DMD: variants seen among roughly 807,000 people sequenced by gnomAD.
DMD encodes dystrophin.
Under a neutral mutation model 330.1 loss-of-function variants are expected in DMD, and 63 were observed. The observed-to-expected ratio is 0.19, with a 90% confidence interval of 0.16 to 0.24. DMD has a LOEUF of 0.24. Among genes scored for constraint, DMD ranks in the 10% least tolerant of loss-of-function variants. The pLI, the probability that DMD is intolerant of heterozygous loss-of-function variation, is 1.00. For synonymous variants in DMD, 1,223 were observed against 959.8 expected (o/e 1.27, Z -5.07); for missense variants, 3,344 against 2,684.1 (o/e 1.25, Z -5.43).
chrX:31,251,542 A>G (rs1473356273), intron 63 of DMD, among the ~76,000 whole-genome samples: 1 of 112,237 alleles, frequency 8.9e-6, no homozygotes, highest in Non-Finnish European at 1.9e-5. Flanking sequence ...ATTCATAAAT[A>G]AGCTAATGAT....
At chrX:31,697,097 T>C (rs970175415) in intron 52 of DMD, among the ~76,000 whole-genome samples, 6 of 112,215 alleles carry the variant, frequency 5.3e-5, no homozygotes, top group African/African-American at 1.9e-4. Flanking sequence ...AGTGTGGTAG[T>C]CTGACATCAT....
chrX:32,298,076 G>A (rs995636603), intron 42 of DMD, among the ~76,000 whole-genome samples: 3 of 109,494 alleles, frequency 2.7e-5, no homozygotes, highest in Non-Finnish European at 1.9e-5. Flanking sequence ...TTTACTTTGA[G>A]GGGGATGGGG....
intron 1 of DMD, among the ~76,000 whole-genome samples, chrX:33,267,347 G>GT (rs1192458683): frequency 9.0e-6 from 1 of 110,723 alleles, no homozygotes; most frequent in Non-Finnish European, 1.9e-5. Flanking sequence ...AAAAAACATT[G>GT]TTGAAAGAAA....
intron 22 of DMD, among the ~76,000 whole-genome samples, chrX:32,471,099 A>G (rs1410468184): frequency 9.0e-6 from 1 of 110,666 alleles, no homozygotes; most frequent in Non-Finnish European, 1.9e-5. Context: ...CAAGATGGTG[A>G]AACCCCATCT....
At chrX:31,525,802 A>G (rs2095269072) in intron 55 of DMD, among the ~76,000 whole-genome samples, 1 of 112,615 alleles carries the variant, frequency 8.9e-6, no homozygotes, top group African/African-American at 3.2e-5. Flanking sequence ...GTTACAGCAA[A>G]AAGTTAATGG....
At chrX:31,815,658 C>T (rs1450350409) in intron 50 of DMD, among the ~76,000 whole-genome samples, 4 of 111,630 alleles carry the variant, frequency 3.6e-5, no homozygotes, top group Non-Finnish European at 7.5e-5. Context: ...TGTATAAATA[C>T]GGTGACAATA....
At chrX:31,968,551 C>G (rs958910731) in intron 44 of DMD, 37 bp from the exon 45 acceptor site, 6 of 1,182,957 alleles carry the variant, frequency 5.1e-6, no homozygotes, top group Non-Finnish European at 6.9e-6. Flanking sequence ...AAAATGAAGC[C>G]CCATGTCTTT....
chrX:33,081,002 ACAC>A (rs199768475), intron 1 of DMD, among the ~76,000 whole-genome samples: 430 of 103,657 alleles, frequency 4.1e-3, no homozygotes, highest in Non-Finnish European at 6.4e-3. Context: ...ACACACACAC[ACAC>A]ACAAAAACAC....
intron 45 of DMD, among the ~76,000 whole-genome samples, chrX:31,936,331 T>A (rs2094924630): frequency 1.8e-5 from 2 of 111,736 alleles, no homozygotes; most frequent in Non-Finnish European, 3.8e-5. Context: ...CTCAGAACAC[T>A]CGTAAACTCC....
chrX:31,246,013 G>T (rs1201269576), intron 63 of DMD, among the ~76,000 whole-genome samples: 5 of 112,350 alleles, frequency 4.5e-5, no homozygotes. Flanking sequence ...CAGACTGAAA[G>T]CTAGGCCTCT....
chrX:32,853,769 G>GAAAAAA (rs1162458210), intron 2 of DMD, among the ~76,000 whole-genome samples: 23 of 56,027 alleles, frequency 4.1e-4, no homozygotes, highest in African/African-American at 8.4e-4. Flanking sequence ...CACAGTGACA[G>GAAAAAA]AAAAAAAAAA....
intron 61 of DMD, among the ~76,000 whole-genome samples, chrX:31,341,891 G>GCGCGCGCGCGCGCGCGCACACACACACA (rs374298104): frequency 1.0e-5 from 1 of 98,876 alleles, no homozygotes; most frequent in African/African-American, 3.7e-5. Flanking sequence ...GTGCGCGCGC[G>GCGCGCGCGCGCGCGCGCACACACACACA]CACACACACA....
intron 63 of DMD, among the ~76,000 whole-genome samples, chrX:31,230,364 G>A (rs141706729): frequency 8.9e-6 from 1 of 111,789 alleles, no homozygotes; most frequent in Admixed American, 9.5e-5. Context: ...AAATGAAGGA[G>A]AGGGCCAGGT....
chrX:32,806,194 A>T (rs772108752), intron 7 of DMD, among the ~76,000 whole-genome samples: 1 of 112,235 alleles, frequency 8.9e-6, no homozygotes, highest in South Asian at 3.7e-4. Context: ...GAGCAATCTC[A>T]CGTGCAAAGA....
chrX:32,953,132 CAAAA>C (rs956888529), intron 2 of DMD, among the ~76,000 whole-genome samples: 3 of 48,333 alleles, frequency 6.2e-5, no homozygotes. Flanking sequence ...AAGACTCCAC[CAAAA>C]AAAAAAAAAA....
At chrX:32,743,606 C>T (rs1188459118) in intron 7 of DMD, among the ~76,000 whole-genome samples, 2 of 110,992 alleles carry the variant, frequency 1.8e-5, no homozygotes, top group Non-Finnish European at 3.8e-5. Flanking sequence ...CCAATAATTT[C>T]TGAATGCCAA....
chrX:32,106,341 T>C (rs1451249007), intron 44 of DMD, among the ~76,000 whole-genome samples: 2 of 111,955 alleles, frequency 1.8e-5, no homozygotes, highest in African/African-American at 6.5e-5. Context: ...CATAATTTCA[T>C]AGTAGTTAAT....
At chrX:33,078,116 C>T (rs2094873464) in intron 1 of DMD, among the ~76,000 whole-genome samples, 1 of 111,516 alleles carries the variant, frequency 9.0e-6, no homozygotes, top group East Asian at 2.8e-4. Flanking sequence ...TGACCAAAGT[C>T]CTCTCCTCTT....
At chrX:33,311,576 A>T (rs2053849789) in intron 1 of DMD, among the ~76,000 whole-genome samples, 1 of 110,551 alleles carries the variant, frequency 9.0e-6, no homozygotes, top group African/African-American at 3.3e-5. Flanking sequence ...TAAAGTCTGA[A>T]TTTTTTTCTT....
Sources: allele counts gnomAD v4.1 joint callset (sites outside exome capture counted in the v4.1 genomes callset), GRCh38; gene constraint gnomAD v4.1.1; transcripts MANE v1.5; gene names NCBI Gene and HGNC (gene_info 2026-07-23, HGNC 2026-07-21).